PTPRN2: variants seen among roughly 807,000 people sequenced by gnomAD.
PTPRN2 encodes protein tyrosine phosphatase receptor type N2, also known as receptor-type tyrosine-protein phosphatase N2.
PTPRN2 carries 74 observed loss-of-function variants against 118.8 expected under a neutral mutation model. That is an observed-to-expected ratio of 0.62 (90% CI 0.52 to 0.76). PTPRN2 has a LOEUF of 0.76. Among genes scored for constraint, PTPRN2 ranks in the 30% least tolerant of loss-of-function variants. The pLI is 0.00. For synonymous variants in PTPRN2, 641 were observed against 608.0 expected (o/e 1.05, Z -0.80); for missense variants, 1,481 against 1,394.4 (o/e 1.06, Z -0.99).
intron 10 of PTPRN2, among the ~76,000 whole-genome samples, chr7:158,100,980 A>T (rs1441527911): frequency 6.6e-6 from 1 of 152,194 alleles, no homozygotes; most frequent in Admixed American, 6.5e-5. Context: ...TCCAATCCCC[A>T]TCAAAATACC....
At chr7:158,420,178 C>T (rs1459900011) in intron 2 of PTPRN2, among the ~76,000 whole-genome samples, 1 of 152,128 alleles carries the variant, frequency 6.6e-6, no homozygotes, top group Admixed American at 6.5e-5. Flanking sequence ...GCAGGCAGGA[C>T]ACATTGTCTC....
chr7:157,872,488 T>C lies in PTPRN2; in HGVS notation c.1788+26185A>G, dbSNP rs1284183295. On this transcript the variant is annotated intron_variant, in intron 12 of 22. Coordinates refer to ENST00000389418, the MANE Select transcript of PTPRN2 (RefSeq NM_002847.5). ...CCAGTGTCCTCCCCACACACGCATA[T>C]CCAGTGTCCTCCCCACACACGCATA... 4.5e-3 allele frequency among the ~76,000 whole-genome samples: 541 copies of C among 120,350 alleles called. 10 individuals carry two copies. The highest frequency in any genetic ancestry group is 0.015 in the African/African-American group (477 of 31,928). The allele number at this position is 120,350 out of a possible 152,430, so 79.0% of individuals were successfully genotyped here.
At chr7:157,704,775 G>A (rs912855443) in intron 12 of PTPRN2, among the ~76,000 whole-genome samples, 2 of 152,216 alleles carry the variant, frequency 1.3e-5, no homozygotes, top group African/African-American at 2.4e-5. Flanking sequence ...TATTGCTCTC[G>A]TAACTTGCAA....
intron 11 of PTPRN2, among the ~76,000 whole-genome samples, chr7:158,047,800 A>G (rs935456850): frequency 6.6e-6 from 1 of 152,244 alleles, no homozygotes; most frequent in Non-Finnish European, 1.5e-5. Flanking sequence ...ACAGCAAAGC[A>G]CAGAGCAACA....
At chr7:158,206,942 A>T (rs1297171843) in intron 3 of PTPRN2, among the ~76,000 whole-genome samples, 1 of 132,400 alleles carries the variant, frequency 7.6e-6, no homozygotes, top group Non-Finnish European at 1.6e-5. Context: ...ATATCTCCCA[A>T]TGCTATCCCT....
intron 11 of PTPRN2, among the ~76,000 whole-genome samples, chr7:158,004,601 A>G (rs1459557732): frequency 1.3e-5 from 2 of 152,168 alleles, no homozygotes; most frequent in Non-Finnish European, 2.9e-5. Context: ...TGACAGTTTC[A>G]TTTTCAGGAT....
intron 11 of PTPRN2, among the ~76,000 whole-genome samples, chr7:157,971,681 A>G (rs1183507935): frequency 1.3e-5 from 2 of 152,222 alleles, no homozygotes; most frequent in African/African-American, 4.8e-5. Flanking sequence ...GCCAATAAAA[A>G]AAAAAGTGGG....
chr7:157,955,709 G>A (rs950821176), intron 11 of PTPRN2, among the ~76,000 whole-genome samples: 8 of 152,192 alleles, frequency 5.3e-5, no homozygotes, highest in African/African-American at 1.4e-4. Context: ...GGGCAAGGCG[G>A]CACCGCAGCT....
intron 12 of PTPRN2, among the ~76,000 whole-genome samples, chr7:157,818,500 C>T (rs117519229): frequency 0.026 from 4,008 of 152,082 alleles, 90 homozygotes; most frequent in Non-Finnish European, 0.036. Flanking sequence ...AGACAGGAAA[C>T]GGGGAGGGAC....
intron 12 of PTPRN2, among the ~76,000 whole-genome samples, chr7:157,739,836 A>C (rs931079270): frequency 1.9e-4 from 29 of 152,226 alleles, no homozygotes; most frequent in African/African-American, 6.3e-4. Context: ...AGGTGACCGC[A>C]AGGAGGCCTG....
intron 6 of PTPRN2, among the ~76,000 whole-genome samples, chr7:158,149,144 G>A (rs1192504130): frequency 6.7e-5 from 10 of 150,052 alleles, no homozygotes; most frequent in Non-Finnish European, 7.4e-5. Context: ...CACGCCACGT[G>A]TCTTTCCCCC....
chr7:157,628,093 C>A (rs1803695585), intron 14 of PTPRN2, among the ~76,000 whole-genome samples: 1 of 152,202 alleles, frequency 6.6e-6, no homozygotes, highest in South Asian at 2.1e-4. Context: ...GGTCACAAGA[C>A]TGGGTGCTGC....
chr7:157,917,002 C>T (rs1240971116), intron 11 of PTPRN2, among the ~76,000 whole-genome samples: 1 of 141,284 alleles, frequency 7.1e-6, no homozygotes, highest in Non-Finnish European at 1.5e-5. Context: ...CCACGCACCC[C>T]GGCCACTCCG....
At chr7:157,582,764 C>G (rs1363736709) in intron 17 of PTPRN2, among the ~76,000 whole-genome samples, 1 of 147,390 alleles carries the variant, frequency 6.8e-6, no homozygotes, top group East Asian at 1.9e-4. Context: ...ATCCCAGCTA[C>G]TCAGGAGGCT....
chr7:158,476,591 C>A (rs1432000892), intron 2 of PTPRN2, among the ~76,000 whole-genome samples: 1 of 152,246 alleles, frequency 6.6e-6, no homozygotes, highest in African/African-American at 2.4e-5. Context: ...CAGGCACCCT[C>A]ACCCTGTCTG....
chr7:158,213,454 G>A (rs919673187), intron 3 of PTPRN2, among the ~76,000 whole-genome samples: 18 of 152,072 alleles, frequency 1.2e-4, no homozygotes, highest in African/African-American at 4.1e-4. Flanking sequence ...CTGAAGTGAA[G>A]AATGATAGGA....
At chr7:157,697,522 C>T (rs1217859767) in intron 12 of PTPRN2, among the ~76,000 whole-genome samples, 3 of 135,182 alleles carry the variant, frequency 2.2e-5, no homozygotes, top group Non-Finnish European at 1.6e-5. Context: ...ACCATCTACC[C>T]ATGCATACTG....
At chr7:158,203,225 C>CAAAAAA (rs56016358) in intron 4 of PTPRN2, among the ~76,000 whole-genome samples, 30 of 50,334 alleles carry the variant, frequency 6.0e-4, no homozygotes, top group Non-Finnish European at 7.4e-4. Context: ...AAGCAAGAGC[C>CAAAAAA]AAAAAAAAAA....
rs1233435802 is a variant in PTPRN2, at chr7:158,587,714, G to A, written c.-45C>T. ...GCGCTCAGTCCATGGCCGCGCGGGA[G>A]GCGGCGGGAGGCGGCCGAGTCCGGG... On this transcript the variant is annotated 5_prime_UTR_variant, in exon 1 of 23. Coordinates refer to ENST00000389418, the MANE Select transcript of PTPRN2 (RefSeq NM_002847.5). 3.5e-6 allele frequency: 4 copies of A among 1,149,458 alleles called. No individual in the cohort carries two copies. The African/African-American group carries it at 4.9e-5, about 14-fold the overall frequency. The allele number at this position is 1,149,458 out of a possible 1,614,324, so 71.2% of individuals were successfully genotyped here. A position where few individuals can be genotyped will look rare whatever the true frequency, so the allele number is the denominator to read the frequency against.
Sources: gnomAD v4.1 joint callset for allele counts (sites outside exome capture counted in the v4.1 genomes callset) on GRCh38, gnomAD v4.1.1 for gene constraint, MANE v1.5 for transcripts, NCBI Gene and HGNC (gene_info 2026-07-23, HGNC 2026-07-21) for gene names.